Variants in PVALEF observed in about 807,000 individuals in gnomAD.
PVALEF encodes parvalbumin-like EF-hand-containing protein.
In PVALEF, 2 loss-of-function variants were observed where a neutral mutation model predicts 1.2. The observed-to-expected ratio is 1.68, with a 90% confidence interval of 0.69 to 5.28. The LOEUF (loss-of-function observed/expected upper bound fraction) is 5.28. Ranked by LOEUF, PVALEF falls within the 30% of genes most tolerant of loss-of-function variation. PVALEF has a pLI of 0.06. For synonymous variants in PVALEF, 16 were observed against 6.5 expected, an observed-to-expected ratio of 2.47 and a Z score of -2.24; for missense variants, 35 against 17.7, an observed-to-expected ratio of 1.97 and a Z score of -1.75.
intron 1 of PVALEF, chr17:81,166,107 C>CCCCCGCG (rs1044968533): frequency 7.4e-5 from 40 of 537,500 alleles, no homozygotes; most frequent in Admixed American, 7.1e-5. Context: ...AGCGCGCCGG[C>CCCCCGCG]CCCCGCGCCC....
chr17:81,166,061 AGCCGCCGCATCACCCAGCG>A (rs2146437061), intron 1 of PVALEF: 1 of 1,154,354 alleles, frequency 8.7e-7, no homozygotes, highest in Non-Finnish European at 1.1e-6. Flanking sequence ...CCCCGGCCCG[AGCCGCCGCATCACCCAGCG>A]GCCGCCGCAG....
chr17:81,175,368 A>C (rs1439359828), intron 2 of PVALEF, among the ~76,000 whole-genome samples: 2 of 152,220 alleles, frequency 1.3e-5, no homozygotes, highest in African/African-American at 4.8e-5. Context: ...TATTTCCCAA[A>C]GCGATCTACA....
intron 2 of PVALEF, among the ~76,000 whole-genome samples, chr17:81,171,212 G>A (rs552157787): frequency 1.3e-5 from 2 of 152,248 alleles, no homozygotes; most frequent in East Asian, 3.9e-4. Context: ...GGCAGGGCTG[G>A]AGGCCAGGAG....
intron 2 of PVALEF, among the ~76,000 whole-genome samples, chr17:81,169,922 G>A (rs1308224908): frequency 1.3e-5 from 2 of 151,886 alleles, no homozygotes; most frequent in African/African-American, 4.8e-5. Context: ...CGGTTTGTGT[G>A]TGCATGTGTG....
chr17:81,178,718 AC>A (rs1379451981), intron 2 of PVALEF, among the ~76,000 whole-genome samples, 199 bp from the exon 3 acceptor site: 2 of 151,416 alleles, frequency 1.3e-5, no homozygotes, highest in Non-Finnish European at 3.0e-5. Flanking sequence ...TCCCTGCACC[AC>A]CCCCACCGCC....
intron 2 of PVALEF, among the ~76,000 whole-genome samples, chr17:81,168,922 C>T (rs1044092380): frequency 3.9e-5 from 6 of 152,318 alleles, no homozygotes; most frequent in East Asian, 1.9e-4. Context: ...TCTGTCCATA[C>T]GATGCAATGG....
intron 1 of PVALEF, among the ~76,000 whole-genome samples, chr17:81,166,261 A>G (rs1303349778): frequency 1.5e-4 from 9 of 61,980 alleles, no homozygotes; most frequent in Non-Finnish European, 1.9e-4. Flanking sequence ...GGCGCGGGGG[A>G]GGGGGGGGCC....
In PVALEF at chr17:81,166,806, G is replaced by A. The variant is rs1443760709; in HGVS notation, c.-378G>A. On this transcript the variant is annotated 5_prime_UTR_variant, in exon 2 of 7. Coordinates refer to ENST00000637878, the MANE Select transcript of PVALEF (RefSeq NM_001354639.2). ...CCGTGCTGCGACAGCCATGAAGGAA[G>A]AACCTGGCTGAGTCTCCACCTGCCG... The A allele has an allele frequency of 1.1e-5, 5 of 455,138 alleles. No homozygotes were observed. Among genetic ancestry groups the A allele is most frequent in the Non-Finnish European group, 1.8e-5 (4 of 225,814 alleles). The allele number at this position is 455,138 out of a possible 1,614,324, so 28.2% of individuals were successfully genotyped here.
chr17:81,176,950 A>C (rs1407852646), intron 2 of PVALEF, among the ~76,000 whole-genome samples: 5 of 137,998 alleles, frequency 3.6e-5, no homozygotes, highest in Non-Finnish European at 7.7e-5. Flanking sequence ...TTTTTGAGAC[A>C]GAGTCTCCTT....
chr17:81,175,986 C>T (rs574799447), intron 2 of PVALEF, among the ~76,000 whole-genome samples: 91 of 152,190 alleles, frequency 6.0e-4, no homozygotes, highest in Admixed American at 3.9e-3. Flanking sequence ...AGGCTAAAAA[C>T]GCAACCCAAA....
rs188666825 is a variant in PVALEF at position 81,174,045 on chromosome 17, C to T, written c.-339-4873C>T. Among the ~76,000 whole-genome samples the T allele has an allele frequency of 1.6e-4, 24 of 152,288 alleles. No homozygotes were observed. In the East Asian group the frequency reaches 4.2e-3, roughly 27 times the overall value. On this transcript the variant is annotated intron_variant, in intron 2 of 6. Transcript: ENST00000637878. ...ACCACATTCTCAGGAGAACAGAAAA[C>T]ACGTGATTATCTCAACCAATGCAGA...
intron 2 of PVALEF, among the ~76,000 whole-genome samples, chr17:81,177,179 G>C (rs1218526123): frequency 2.1e-5 from 3 of 144,878 alleles, no homozygotes; most frequent in East Asian, 2.2e-4. Context: ...CACTCGCCTC[G>C]GCCTCCCAAA....
intron 2 of PVALEF, among the ~76,000 whole-genome samples, chr17:81,168,105 G>T (rs972980062): frequency 6.6e-6 from 1 of 152,190 alleles, no homozygotes; most frequent in Non-Finnish European, 1.5e-5. Flanking sequence ...AGCCTGGAAG[G>T]TGCCCTAGAC....
chr17:81,169,609 G>A (rs1050625976), intron 2 of PVALEF, among the ~76,000 whole-genome samples: 1 of 150,550 alleles, frequency 6.6e-6, no homozygotes. Flanking sequence ...GGGCGGGGTC[G>A]CCCCCTCCAG....
intron 3 of PVALEF, among the ~76,000 whole-genome samples, chr17:81,179,820 G>A (rs769993540): frequency 6.6e-6 from 1 of 152,220 alleles, no homozygotes; most frequent in Non-Finnish European, 1.5e-5. Context: ...CTGGGGCGGT[G>A]TGTGGTCTGA....
intron 2 of PVALEF, among the ~76,000 whole-genome samples, chr17:81,168,116 A>C (rs1166365421): frequency 6.6e-6 from 1 of 152,166 alleles, no homozygotes; most frequent in Non-Finnish European, 1.5e-5. Flanking sequence ...TGCCCTAGAC[A>C]CCTGGACCTA....
intron 2 of PVALEF, among the ~76,000 whole-genome samples, chr17:81,167,294 A>C (rs1422179975): frequency 6.6e-6 from 1 of 151,336 alleles, no homozygotes; most frequent in Non-Finnish European, 1.5e-5. Context: ...TTGTCTCAAA[A>C]AAAGTGTCCT....
At chr17:81,165,889 C>G (rs1567833093) in intron 1 of PVALEF, 142 bp downstream of exon 1, 2 of 1,552,582 alleles carry the variant, frequency 1.3e-6, no homozygotes, top group East Asian at 2.4e-5. Context: ...GCATCACGTC[C>G]GCAGCGGAGG....
At chr17:81,169,165 G>A (rs575226506) in intron 2 of PVALEF, among the ~76,000 whole-genome samples, 15 of 152,320 alleles carry the variant, frequency 9.8e-5, no homozygotes, top group East Asian at 1.9e-4. Flanking sequence ...GGCACAGGGC[G>A]TCTTCCTGGG....
Sources: gnomAD v4.1 joint callset for allele counts (sites outside exome capture counted in the v4.1 genomes callset) on GRCh38, gnomAD v4.1.1 for gene constraint, MANE v1.5 for transcripts, NCBI Gene and HGNC (gene_info 2026-07-23, HGNC 2026-07-21) for gene names.